BACH2: variants seen among roughly 807,000 people sequenced by gnomAD.
BACH2 encodes transcription regulator protein BACH2.
Under a neutral mutation model 61.8 loss-of-function variants are expected in BACH2, and 5 were observed. The ratio of observed to expected loss-of-function variants is 0.08; its 90% CI spans 0.04 to 0.17. BACH2 has a LOEUF of 0.17. Among genes scored for constraint, BACH2 ranks in the 10% least tolerant of loss-of-function variants. The probability of loss-of-function intolerance (pLI) is 1.00; values close to 1 mark genes in which losing one functional copy is unlikely to be tolerated. For synonymous variants in BACH2, 446 were observed against 440.1 expected, an observed-to-expected ratio of 1.01 and a Z score of -0.17; for missense variants, 824 against 1,091.1, an observed-to-expected ratio of 0.76 and a Z score of 3.45.
chr6:90,210,426 A>G (rs979678306), intron 3 of BACH2, among the ~76,000 whole-genome samples: 4 of 152,086 alleles, frequency 2.6e-5, no homozygotes, highest in South Asian at 2.1e-4. Flanking sequence ...AAACTGGGTC[A>G]GTTCACTTCT....
At chr6:90,099,911 C>A (rs1175354653) in intron 4 of BACH2, among the ~76,000 whole-genome samples, 1 of 152,170 alleles carries the variant, frequency 6.6e-6, no homozygotes, top group African/African-American at 2.4e-5. Context: ...AGAAAACCTA[C>A]ACCCATAGTA....
intron 3 of BACH2, among the ~76,000 whole-genome samples, chr6:90,237,175 G>T (rs530257423): frequency 6.6e-6 from 1 of 151,990 alleles, no homozygotes; most frequent in African/African-American, 2.4e-5. Flanking sequence ...CATCCACCTC[G>T]GCCTCCCAAA....
intron 4 of BACH2, among the ~76,000 whole-genome samples, chr6:90,126,257 A>G (rs1484164526): frequency 6.6e-6 from 1 of 152,248 alleles, no homozygotes; most frequent in Non-Finnish European, 1.5e-5. Context: ...AACGTATTTC[A>G]GTAGCTGCTA....
chr6:90,278,125 A>G (rs900318918), intron 1 of BACH2, among the ~76,000 whole-genome samples: 1 of 152,240 alleles, frequency 6.6e-6, no homozygotes, highest in South Asian at 2.1e-4. Context: ...GTCAAGATAC[A>G]TAATATTATA....
intron 6 of BACH2, among the ~76,000 whole-genome samples, chr6:89,962,550 G>A (rs1041891753): frequency 2.0e-5 from 3 of 152,114 alleles, no homozygotes; most frequent in South Asian, 2.1e-4. Flanking sequence ...ATAGTTGTTC[G>A]TGTTTTTCCA....
At chr6:90,174,774 A>G (rs919916110) in intron 4 of BACH2, among the ~76,000 whole-genome samples, 1 of 152,134 alleles carries the variant, frequency 6.6e-6, no homozygotes, top group Admixed American at 6.5e-5. Flanking sequence ...ACCTGGATAA[A>G]ACTCAGAACA....
intron 8 of BACH2, among the ~76,000 whole-genome samples, chr6:89,934,599 C>T (rs138700832): frequency 2.6e-4 from 39 of 152,036 alleles, no homozygotes; most frequent in Admixed American, 7.2e-4. Flanking sequence ...GTGGAGGTTG[C>T]AGTGAGCCGA....
In BACH2 at chr6:90,141,876, T is replaced by C. The variant is rs535856294; in HGVS notation, c.-161-52767A>G. Among the ~76,000 whole-genome samples, 7 of 152,242 alleles carry C rather than the reference T, an allele frequency of 4.6e-5. No homozygotes were observed. The East Asian group carries it at 1.4e-3, about 29-fold the overall frequency. On this transcript the variant is annotated intron_variant, in intron 4 of 8. Transcript: ENST00000257749. ...AGGGCAGACCACTTAAGGCCAGGAG[T>C]TCGAGACCAACCTGGCCAACATGGC...
chr6:90,029,711 T>C (rs1778852103), intron 5 of BACH2, among the ~76,000 whole-genome samples: 1 of 152,182 alleles, frequency 6.6e-6, no homozygotes, highest in Non-Finnish European at 1.5e-5. Context: ...GGTCCATATG[T>C]CACTTCTGTT....
intron 6 of BACH2, among the ~76,000 whole-genome samples, chr6:89,961,896 C>T (rs761099264): frequency 1.6e-4 from 24 of 152,150 alleles, no homozygotes; most frequent in Non-Finnish European, 3.4e-4. Context: ...TTATTATTTA[C>T]AATTAACATC....
At chr6:90,284,963 G>C (rs953133240) in intron 1 of BACH2, among the ~76,000 whole-genome samples, 2 of 152,094 alleles carry the variant, frequency 1.3e-5, no homozygotes, top group African/African-American at 2.4e-5. Flanking sequence ...AATGCTTATT[G>C]AAACTTAAGA....
rs1582476765 is a variant in BACH2, at chr6:90,199,707, T to C, written c.-162+6862A>G. Among the ~76,000 whole-genome samples the C allele has an allele frequency of 2.0e-5, 3 of 152,180 alleles. No individual in the cohort carries two copies. In the South Asian group the frequency reaches 6.2e-4, roughly 31 times the overall value. ...GCACCTCACATTCGACAGGACTCAATGTACACGTAACAGAGGGGCTACAGT... is the reference window on the plus strand; with the variant it reads ...GCACCTCACATTCGACAGGACTCAACGTACACGTAACAGAGGGGCTACAGT... On this transcript the variant is annotated intron_variant, in intron 4 of 8. Transcript: ENST00000257749.
Position 90,062,398 on chromosome 6 carries a change from C to G in BACH2, c.-13+26563G>C, listed in dbSNP as rs1024396261. On this transcript the variant is annotated intron_variant, in intron 5 of 8. Coordinates refer to ENST00000257749, the MANE Select transcript of BACH2 (RefSeq NM_021813.4). ...GGTAGTTATAAAAGTAGGTGATTAACTCAATATACAGCTAAAGAGGTCTTA... is the reference window on the plus strand; with the variant it reads ...GGTAGTTATAAAAGTAGGTGATTAAGTCAATATACAGCTAAAGAGGTCTTA... Among the ~76,000 whole-genome samples, 10 of 148,194 alleles carry G rather than the reference C, an allele frequency of 6.7e-5. 2 individuals are homozygous for G. The highest frequency in any genetic ancestry group is 6.7e-4 in the Admixed American group (10 of 14,878).
At chr6:89,963,421 G>A (rs1774867472) in intron 6 of BACH2, among the ~76,000 whole-genome samples, 1 of 152,080 alleles carries the variant, frequency 6.6e-6, no homozygotes, top group Non-Finnish European at 1.5e-5. Flanking sequence ...AGTTTCCCAA[G>A]TAGCTGGGAC....
At chr6:89,988,441 A>G (rs1355683705) in intron 6 of BACH2, among the ~76,000 whole-genome samples, 2 of 152,208 alleles carry the variant, frequency 1.3e-5, no homozygotes, top group Admixed American at 6.5e-5. Flanking sequence ...AGCCATCAAA[A>G]AAGTTATAAA....
intron 4 of BACH2, among the ~76,000 whole-genome samples, chr6:90,163,309 AAGTC>A (rs1767470111): frequency 6.6e-6 from 1 of 152,210 alleles, no homozygotes; most frequent in African/African-American, 2.4e-5. Context: ...AAGTGAAAAT[AAGTC>A]CTTGGTACTA....
At chr6:90,269,549 A>G (rs1345143994) in intron 2 of BACH2, among the ~76,000 whole-genome samples, 1 of 152,222 alleles carries the variant, frequency 6.6e-6, no homozygotes, top group East Asian at 1.9e-4. Flanking sequence ...CAGCTGTGAC[A>G]CTGAAATAAG....
rs374045119 is a variant in BACH2, at chr6:90,251,361, C to T, written c.-275+1152G>A. 2.4e-4 allele frequency among the ~76,000 whole-genome samples: 37 copies of T among 152,106 alleles called. No homozygotes were observed. In the East Asian group the frequency reaches 7.0e-3, roughly 29 times the overall value. ...ATCAGGCACGTTCAGGGTGGTGTGG[C>T]CATAGACGCGGATGGTTTCTTTTAA... On this transcript the variant is annotated intron_variant, in intron 3 of 8. Transcript: ENST00000257749.
Position 89,950,239 on chromosome 6 carries a change from T to C in BACH2, c.1836+31A>G. On this transcript the variant is annotated intron_variant, in intron 7 of 8. Coordinates refer to ENST00000257749, the MANE Select transcript of BACH2 (RefSeq NM_021813.4). The surrounding 1 kb of genome is among the most constrained non-coding windows in gnomAD (Gnocchi z 5.3). ...CCAGATAAAGGGCCTAGAGAGTGGG[T>C]CACATGCTTGAATTTATGTGGGTTC... 3 of 1,612,952 alleles carry C rather than the reference T, an allele frequency of 1.9e-6. No individual in the cohort carries two copies. Among genetic ancestry groups the C allele is most frequent in the Non-Finnish European group, 1.7e-6 (2 of 1,179,078 alleles).
Sources: allele counts gnomAD v4.1 joint callset (sites outside exome capture counted in the v4.1 genomes callset), GRCh38; gene constraint gnomAD v4.1.1; non-coding constraint Gnocchi (gnomAD v3.1); transcripts MANE v1.5; gene names NCBI Gene and HGNC (gene_info 2026-07-23, HGNC 2026-07-21).